GALNT13: variants seen among roughly 807,000 people sequenced by gnomAD.
GALNT13 encodes the protein polypeptide N-acetylgalactosaminyltransferase 13.
In GALNT13, 28 loss-of-function variants were observed where a neutral mutation model predicts 64.2. The ratio of observed to expected loss-of-function variants is 0.44; its 90% CI spans 0.32 to 0.60. The LOEUF is 0.60. GALNT13 is among the 20% of genes least tolerant of loss of function. The pLI, the probability that GALNT13 is intolerant of heterozygous loss-of-function variation, is 0.05. For synonymous variants in GALNT13, 214 were observed against 224.6 expected (o/e 0.95, Z 0.42); for missense variants, 577 against 669.8 (o/e 0.86, Z 1.53).
At chr2:154,405,174 T>A (rs1436291250) in intron 10 of GALNT13, among the ~76,000 whole-genome samples, 1 of 151,706 alleles carries the variant, frequency 6.6e-6, no homozygotes, top group Non-Finnish European at 1.5e-5. Context: ...AAGAACAACA[T>A]AAATTTAGAA....
At chr2:153,288,716 G>A in the GALNT13 span, among the ~76,000 whole-genome samples, 1 of 152,136 alleles carries the variant, frequency 6.6e-6, no homozygotes, top group Non-Finnish European at 1.5e-5. Context: ...ATTAGTTATT[G>A]TTGTTCATCC....
At chr2:154,048,760 G>A (rs747997685) in intron 3 of GALNT13, among the ~76,000 whole-genome samples, 1 of 152,094 alleles carries the variant, frequency 6.6e-6, no homozygotes, top group Non-Finnish European at 1.5e-5. Context: ...AAATGGAATT[G>A]TAATTACTTA....
chr2:153,501,787 G>GA, the GALNT13 span, among the ~76,000 whole-genome samples: 1 of 152,178 alleles, frequency 6.6e-6, no homozygotes, highest in African/African-American at 2.4e-5. Flanking sequence ...TCCACAAAGA[G>GA]AAAAGACATA....
At chr2:154,187,760 C>T (rs1686337693) in intron 4 of GALNT13, among the ~76,000 whole-genome samples, 1 of 152,062 alleles carries the variant, frequency 6.6e-6, no homozygotes, top group Non-Finnish European at 1.5e-5. Flanking sequence ...AACTAATTTA[C>T]TGCATACATA....
chr2:153,498,645 A>G, the GALNT13 span, among the ~76,000 whole-genome samples: 1 of 152,194 alleles, frequency 6.6e-6, no homozygotes, highest in East Asian at 1.9e-4. Flanking sequence ...GGTGTCCAGA[A>G]GCTTGGAGAT....
chr2:154,440,329 T>C (rs908574984), intron 12 of GALNT13, among the ~76,000 whole-genome samples: 1 of 152,156 alleles, frequency 6.6e-6, no homozygotes, highest in African/African-American at 2.4e-5. Flanking sequence ...GAGTGAACAA[T>C]GTCATAACTC....
In GALNT13 at chr2:153,981,205, T is replaced by G. The variant is rs552620627; in HGVS notation, c.142+36566T>G. Among the ~76,000 whole-genome samples the G allele has an allele frequency of 1.8e-4, 27 of 152,264 alleles. No individual in the cohort carries two copies. In the South Asian group the frequency reaches 5.6e-3, roughly 32 times the overall value. ...CAAAATTGTGTTCATCCTTGTGATA[T>G]TTTAGAAATATAGTTTTTTTATTAT... On this transcript the variant is annotated intron_variant, in intron 3 of 12. Coordinates refer to ENST00000392825, the MANE Select transcript of GALNT13 (RefSeq NM_052917.4).
chr2:153,459,535 T>C, the GALNT13 span, among the ~76,000 whole-genome samples: 4 of 152,184 alleles, frequency 2.6e-5, no homozygotes, highest in East Asian at 7.7e-4. Context: ...CCATATGCAC[T>C]GAATTACATG....
chr2:153,891,432 T>C (rs1332057209), intron 1 of GALNT13, among the ~76,000 whole-genome samples: 1 of 152,058 alleles, frequency 6.6e-6, no homozygotes, highest in Non-Finnish European at 1.5e-5. Flanking sequence ...CTTGTCAAAC[T>C]CATTTGGTAT....
At chr2:154,370,874 CAA>C (rs1406547861) in intron 9 of GALNT13, among the ~76,000 whole-genome samples, 1 of 151,956 alleles carries the variant, frequency 6.6e-6, no homozygotes, top group African/African-American at 2.4e-5. Context: ...TCCATTAAAA[CAA>C]AAGAGTCTCA....
the GALNT13 span, among the ~76,000 whole-genome samples, chr2:153,834,609 C>T: frequency 6.6e-6 from 1 of 152,014 alleles, no homozygotes; most frequent in Admixed American, 6.6e-5. Context: ...GGAGTTAATA[C>T]AATTTTTTAA....
the GALNT13 span, among the ~76,000 whole-genome samples, chr2:153,444,100 C>A: frequency 6.6e-6 from 1 of 152,120 alleles, no homozygotes; most frequent in South Asian, 2.1e-4. Flanking sequence ...GTCCATTCAT[C>A]CATCCATCTA....
the GALNT13 span, among the ~76,000 whole-genome samples, chr2:153,676,329 C>A: frequency 1.3e-5 from 2 of 152,014 alleles, no homozygotes; most frequent in African/African-American, 4.8e-5. Flanking sequence ...AATTGAAACC[C>A]TGAGCAGACC....
intron 3 of GALNT13, among the ~76,000 whole-genome samples, chr2:154,110,075 A>T (rs959071874): frequency 6.6e-6 from 1 of 151,792 alleles, no homozygotes; most frequent in Non-Finnish European, 1.5e-5. Flanking sequence ...AATGTTTCGT[A>T]GAATTCAGCA....
chr2:153,092,144 G>A, the GALNT13 span, among the ~76,000 whole-genome samples: 1,475 of 152,202 alleles, frequency 9.7e-3, 15 homozygotes, highest in Middle Eastern at 0.041. Context: ...TCAAAAATGA[G>A]TTCACTCTAG....
At chr2:153,816,137 T>C in the GALNT13 span, among the ~76,000 whole-genome samples, 5 of 152,194 alleles carry the variant, frequency 3.3e-5, no homozygotes, top group South Asian at 8.3e-4. Context: ...ATAAGTTCTA[T>C]AGAGGAACAA....
chr2:153,566,244 C>G, the GALNT13 span, among the ~76,000 whole-genome samples: 1 of 151,302 alleles, frequency 6.6e-6, no homozygotes, highest in Non-Finnish European at 1.5e-5. Flanking sequence ...TAAAGTAAGA[C>G]TCAGCTGGTA....
the GALNT13 span, among the ~76,000 whole-genome samples, chr2:153,718,495 A>C: frequency 6.6e-6 from 1 of 151,642 alleles, no homozygotes; most frequent in Non-Finnish European, 1.5e-5. Context: ...GGACGCCTTT[A>C]AACTCAACAG....
chr2:153,411,782 CT>C, the GALNT13 span, among the ~76,000 whole-genome samples: 31 of 152,152 alleles, frequency 2.0e-4, no homozygotes, highest in African/African-American at 7.2e-4. Flanking sequence ...ATGCTTTTGC[CT>C]CTCCAAAACC....
Sources: gnomAD v4.1 joint callset for allele counts (sites outside exome capture counted in the v4.1 genomes callset) on GRCh38, gnomAD v4.1.1 for gene constraint, MANE v1.5 for transcripts, NCBI Gene and HGNC (gene_info 2026-07-23, HGNC 2026-07-21) for gene names.